Variants in ARHGAP19 observed in about 807,000 individuals in gnomAD.
The protein encoded by ARHGAP19 is rho GTPase-activating protein 19.
ARHGAP19 carries 48 observed loss-of-function variants against 60.9 expected under a neutral mutation model. That is an observed-to-expected ratio of 0.79 (90% CI 0.62 to 1.00). The LOEUF is 1.00. Among genes scored for constraint, ARHGAP19 ranks in the 50% least tolerant of loss-of-function variants. ARHGAP19 has a pLI of 0.00. For synonymous variants in ARHGAP19, 209 were observed against 215.5 expected, an observed-to-expected ratio of 0.97 and a Z score of 0.27; for missense variants, 562 against 597.2, an observed-to-expected ratio of 0.94 and a Z score of 0.61.
chr10:97,257,102 C>G (rs1232006234), intron 5 of ARHGAP19, among the ~76,000 whole-genome samples: 1 of 152,046 alleles, frequency 6.6e-6, no homozygotes, highest in Non-Finnish European at 1.5e-5. Flanking sequence ...GCCTGGGCGA[C>G]AAAGCAAGAC....
At chr10:97,232,735 T>A (rs1287358005) in intron 9 of ARHGAP19, among the ~76,000 whole-genome samples, 2 of 151,968 alleles carry the variant, frequency 1.3e-5, no homozygotes, top group East Asian at 3.9e-4. Context: ...AAGATGAATT[T>A]GTAAATGCTA....
rs374800799 is a variant in ARHGAP19 at position 97,270,045 on chromosome 10, C to T, written c.57-3920G>A. Reference sequence around the variant, plus strand: ...ACTACTCCCTCCTAAACAGCACAAACAGGTAGAAGAATAAACAGGTTCAAG... The same window carrying T: ...ACTACTCCCTCCTAAACAGCACAAATAGGTAGAAGAATAAACAGGTTCAAG... On this transcript the variant is annotated intron_variant, in intron 1 of 11. Transcript: ENST00000358531. 6.2e-4 allele frequency among the ~76,000 whole-genome samples: 94 copies of T among 152,130 alleles called. 3 individuals are homozygous for T. In the South Asian group the frequency reaches 0.018, roughly 29 times the overall value.
At chr10:97,227,012 C>A (rs2134798709) in intron 11 of ARHGAP19, among the ~76,000 whole-genome samples, 1 of 152,312 alleles carries the variant, frequency 6.6e-6, no homozygotes, top group East Asian at 1.9e-4. Context: ...GGGAAGGATG[C>A]TCCCAGCATC....
chr10:97,254,361 C>CTAGA (rs1444366199), intron 6 of ARHGAP19, among the ~76,000 whole-genome samples: 3 of 152,126 alleles, frequency 2.0e-5, no homozygotes, highest in Non-Finnish European at 2.9e-5. Context: ...ATGGAATAGA[C>CTAGA]TAGAAAGCCA....
chr10:97,258,665 G>A (rs1430564247), intron 5 of ARHGAP19: 1 of 152,830 alleles, frequency 6.5e-6, no homozygotes, highest in East Asian at 1.9e-4. Context: ...TGTACCTCCA[G>A]GTCAACAAGT....
chr10:97,246,612 A>C (rs1044301559), intron 6 of ARHGAP19, among the ~76,000 whole-genome samples: 1 of 152,236 alleles, frequency 6.6e-6, no homozygotes. Context: ...AAATAAGCCA[A>C]AGACAAAAAC....
intron 1 of ARHGAP19, among the ~76,000 whole-genome samples, chr10:97,291,769 C>G (rs935211707): frequency 6.6e-6 from 1 of 152,158 alleles, no homozygotes; most frequent in Non-Finnish European, 1.5e-5. Context: ...CGTAAATAAA[C>G]TCAATCTATT....
chr10:97,283,775 A>T (rs1481590761), intron 1 of ARHGAP19, among the ~76,000 whole-genome samples: 1 of 150,892 alleles, frequency 6.6e-6, no homozygotes, highest in Non-Finnish European at 1.5e-5. Flanking sequence ...TGGGAGGAGT[A>T]CATGAGCCCA....
At chr10:97,250,757 T>A (rs1310530845) in intron 6 of ARHGAP19, among the ~76,000 whole-genome samples, 2 of 151,966 alleles carry the variant, frequency 1.3e-5, no homozygotes, top group South Asian at 2.1e-4. Context: ...ATATATCTAT[T>A]CTATTTCATT....
At chr10:97,262,663 C>G (rs1842846860) in intron 4 of ARHGAP19, among the ~76,000 whole-genome samples, 1 of 151,936 alleles carries the variant, frequency 6.6e-6, no homozygotes, top group Non-Finnish European at 1.5e-5. Context: ...GACTCAGTCT[C>G]AAAACAAACA....
At chr10:97,229,087 C>T (rs755812232) in intron 11 of ARHGAP19, 60 bp downstream of exon 11, 26 of 1,457,870 alleles carry the variant, frequency 1.8e-5, no homozygotes, top group Middle Eastern at 1.7e-4. Context: ...ACAAATGCTA[C>T]TGACTAGATG....
intron 10 of ARHGAP19, 33 bp downstream of exon 10, chr10:97,229,727 TACAG>T (rs757316842): frequency 4.4e-5 from 64 of 1,449,874 alleles, no homozygotes; most frequent in Admixed American, 3.9e-4. Flanking sequence ...TACAAATATA[TACAG>T]ACAGACAGAC....
chr10:97,289,680 C>A (rs1028250045), intron 1 of ARHGAP19, among the ~76,000 whole-genome samples: 2 of 151,052 alleles, frequency 1.3e-5, no homozygotes, highest in African/African-American at 4.9e-5. Flanking sequence ...TACAAAAAAA[C>A]AAAACAACAA....
intron 8 of ARHGAP19, among the ~76,000 whole-genome samples, chr10:97,238,003 A>T (rs762668991): frequency 5.3e-5 from 8 of 151,680 alleles, no homozygotes; most frequent in South Asian, 2.1e-4. Flanking sequence ...ATTTTTTTTT[A>T]AAGTTAACTA....
chr10:97,284,343 G>A (rs549840662), intron 1 of ARHGAP19, among the ~76,000 whole-genome samples: 1 of 151,874 alleles, frequency 6.6e-6, no homozygotes, highest in South Asian at 2.1e-4. Context: ...GGCTGGTCTC[G>A]AACTACTGAC....
chr10:97,257,221 T>C (rs1341116292), intron 5 of ARHGAP19, among the ~76,000 whole-genome samples: 1 of 151,872 alleles, frequency 6.6e-6, no homozygotes, highest in Non-Finnish European at 1.5e-5. Flanking sequence ...GTAACTCTAC[T>C]ATCCCAAAGC....
At position 97,229,791 on chromosome 10, in the gene ARHGAP19, C is replaced by T. The variant is rs1850969833; in HGVS notation, c.1368G>A (p.Lys456=). The change falls in exon 10 of 12, where the codon AAG becomes AAA. Residue 456 remains lysine (K), a synonymous_variant. Coordinates refer to ENST00000358531, the MANE Select transcript of ARHGAP19 (RefSeq NM_032900.6). ...AGTTCCTATTTTCTTTGCTGGTTCCCTTCAATTCACCAATGGCCACAGATT... is the reference window on the plus strand; with the variant it reads ...AGTTCCTATTTTCTTTGCTGGTTCCTTTCAATTCACCAATGGCCACAGATT... The part of the protein sequence containing the change: ...TPESVAIGEL[K]GTSKENRNLL... 6.2e-7 allele frequency: 1 copy of T among 1,611,080 alleles called. No individual in the cohort carries two copies. Among genetic ancestry groups the T allele is most frequent in the East Asian group, 2.2e-5 (1 of 44,832 alleles).
chr10:97,239,445 G>A (rs376033375), intron 8 of ARHGAP19, among the ~76,000 whole-genome samples: 1 of 151,786 alleles, frequency 6.6e-6, no homozygotes, highest in South Asian at 2.1e-4. Context: ...GCAGTGAGCC[G>A]AGATCGGAGA....
rs1003764972 is a variant in ARHGAP19, at chr10:97,261,769, G to C, written c.613+1651C>G. ...TAGAAGAAACAGGAAAAATACTCAG[G>C]GGCAGGAAACTAAGCAACTGCAGTA... On this transcript the variant is annotated intron_variant, in intron 4 of 11. Coordinates refer to ENST00000358531, the MANE Select transcript of ARHGAP19 (RefSeq NM_032900.6). Among the ~76,000 whole-genome samples, 10 of 152,006 alleles carry C rather than the reference G, an allele frequency of 6.6e-5. No individual in the cohort carries two copies. In the South Asian group the frequency reaches 2.1e-3, roughly 32 times the overall value.
Sources: gnomAD v4.1 joint callset for allele counts (sites outside exome capture counted in the v4.1 genomes callset) on GRCh38, gnomAD v4.1.1 for gene constraint, MANE v1.5 for transcripts, NCBI Gene and HGNC (gene_info 2026-07-23, HGNC 2026-07-21) for gene names.